GPC6: variants seen among roughly 807,000 people sequenced by gnomAD.
GPC6 encodes glypican 6, also known as glypican-6.
A neutral mutation model predicts 55.2 loss-of-function variants in GPC6; 14 were observed. That is an observed-to-expected ratio of 0.25 (90% CI 0.17 to 0.40). The LOEUF (loss-of-function observed/expected upper bound fraction) is 0.40. Among genes scored for constraint, GPC6 ranks in the 10% least tolerant of loss-of-function variants. GPC6 has a pLI of 1.00. For synonymous variants in GPC6, 278 were observed against 259.6 expected (o/e 1.07, Z -0.68); for missense variants, 641 against 708.5 (o/e 0.90, Z 1.08).
At chr13:93,923,808 G>A (rs937417530) in intron 3 of GPC6, among the ~76,000 whole-genome samples, 2 of 152,194 alleles carry the variant, frequency 1.3e-5, no homozygotes, top group African/African-American at 4.8e-5. Context: ...TATTGGATAT[G>A]TGTCAAAGTT....
intron 3 of GPC6, among the ~76,000 whole-genome samples, chr13:93,846,358 A>G (rs1191233296): frequency 6.6e-6 from 1 of 152,228 alleles, no homozygotes; most frequent in African/African-American, 2.4e-5. Context: ...TTATTATATA[A>G]GAAACCTAAA....
At chr13:93,655,024 G>GTT (rs1880596923) in intron 2 of GPC6, among the ~76,000 whole-genome samples, 2 of 34,140 alleles carry the variant, frequency 5.9e-5, no homozygotes, top group African/African-American at 1.0e-4. Flanking sequence ...TTTTTTTTTT[G>GTT]TATTTTTAGT....
chr13:93,920,871 C>T (rs751549850), intron 3 of GPC6, among the ~76,000 whole-genome samples: 28 of 152,138 alleles, frequency 1.8e-4, no homozygotes, highest in Non-Finnish European at 3.1e-4. Flanking sequence ...TTCTTCTCAC[C>T]TAACAAAGCA....
At chr13:93,928,856 T>TACACACACACACACAC (rs10642875) in intron 3 of GPC6, among the ~76,000 whole-genome samples, 7 of 143,002 alleles carry the variant, frequency 4.9e-5, no homozygotes, top group African/African-American at 1.6e-4. Context: ...CCCTGTGTGT[T>TACACACACACACACAC]ACACACACAC....
At chr13:93,791,697 A>G (rs1886040036) in intron 2 of GPC6, among the ~76,000 whole-genome samples, 1 of 152,178 alleles carries the variant, frequency 6.6e-6, no homozygotes, top group South Asian at 2.1e-4. Context: ...AAAATAATAT[A>G]AAAGCCACTG....
chr13:93,651,869 C>T (rs747170438), intron 2 of GPC6, among the ~76,000 whole-genome samples: 1 of 152,308 alleles, frequency 6.6e-6, no homozygotes, highest in Non-Finnish European at 1.5e-5. Flanking sequence ...CCATATTCCA[C>T]TCCAGACCAA....
chr13:93,937,529 G>GTAGTA (rs1878496671), intron 3 of GPC6, among the ~76,000 whole-genome samples: 2 of 152,160 alleles, frequency 1.3e-5, no homozygotes, highest in South Asian at 2.1e-4. Context: ...ACACCTACAT[G>GTAGTA]TAGTACTTTC....
chr13:94,225,678 T>C (rs965060391), intron 4 of GPC6, among the ~76,000 whole-genome samples: 4 of 151,082 alleles, frequency 2.6e-5, no homozygotes. Context: ...CACATATATA[T>C]ATATATATAT....
chr13:93,598,781 T>G (rs148794873), intron 2 of GPC6, among the ~76,000 whole-genome samples: 2 of 152,344 alleles, frequency 1.3e-5, no homozygotes, highest in African/African-American at 4.8e-5. Context: ...CCATTTGTAT[T>G]TTCCTTAATA....
At chr13:93,596,841 T>C (rs1268723412) in intron 2 of GPC6, among the ~76,000 whole-genome samples, 4 of 148,782 alleles carry the variant, frequency 2.7e-5, no homozygotes, top group Admixed American at 1.3e-4. Flanking sequence ...CCTGTATATA[T>C]ATAAAATTTA....
At chr13:93,523,597 G>A (rs867299000) in intron 1 of GPC6, among the ~76,000 whole-genome samples, 13 of 151,824 alleles carry the variant, frequency 8.6e-5, no homozygotes, top group South Asian at 4.1e-4. Context: ...CTTCCTCACA[G>A]TGCTGTGATT....
intron 4 of GPC6, among the ~76,000 whole-genome samples, chr13:94,054,091 T>G (rs1884047813): frequency 2.6e-5 from 4 of 152,198 alleles, no homozygotes; most frequent in African/African-American, 9.6e-5. Context: ...TAATGCTTTG[T>G]TCACCAGATG....
chr13:93,259,087 T>C (rs1594056977), intron 1 of GPC6, among the ~76,000 whole-genome samples: 1 of 152,042 alleles, frequency 6.6e-6, no homozygotes, highest in South Asian at 2.1e-4. Context: ...TAGGGTAGGG[T>C]TATTGATTAC....
chr13:93,625,493 T>C (rs914536565), intron 2 of GPC6, among the ~76,000 whole-genome samples: 3 of 152,156 alleles, frequency 2.0e-5, no homozygotes, highest in Non-Finnish European at 2.9e-5. Flanking sequence ...GATCAATTCA[T>C]TGTGTTGTGG....
intron 1 of GPC6, among the ~76,000 whole-genome samples, chr13:93,454,064 TAC>T (rs1255197619): frequency 1.3e-5 from 2 of 152,118 alleles, no homozygotes; most frequent in Non-Finnish European, 2.9e-5. Flanking sequence ...ATTAGTTAGA[TAC>T]AGAGTATCCA....
intron 4 of GPC6, among the ~76,000 whole-genome samples, chr13:94,165,470 C>G (rs1448264022): frequency 1.3e-5 from 2 of 151,752 alleles, no homozygotes; most frequent in African/African-American, 4.8e-5. Flanking sequence ...AAGAATGACA[C>G]GATGGACTTT....
At chr13:93,536,065 A>C (rs1162673235) in intron 1 of GPC6, among the ~76,000 whole-genome samples, 1 of 152,126 alleles carries the variant, frequency 6.6e-6, no homozygotes, top group Non-Finnish European at 1.5e-5. Context: ...CTGTGAGCAG[A>C]GTTTCCCCTG....
chr13:93,921,787 A>C (rs896631742), intron 3 of GPC6, among the ~76,000 whole-genome samples: 1 of 151,568 alleles, frequency 6.6e-6, no homozygotes. Flanking sequence ...AGCCATTTAC[A>C]TTACCAGGTT....
rs1880940987 is a variant in GPC6 at position 93,510,975 on chromosome 13, A to ATATATATATG, written c.161-34286_161-34277dup. Among the ~76,000 whole-genome samples the ATATATATATG allele has an allele frequency of 4.6e-3, 32 of 6,970 alleles. 1 individual carries two copies. The highest frequency in any genetic ancestry group is 6.6e-3 in the African/African-American group (31 of 4,718). 4.6% of individuals were successfully genotyped at this position (6,970 alleles called of 152,430 possible). ...AATATATATATATATATATATGTGT[A>ATATATATATG]TATATATATGTGTATATATATATAT... On this transcript the variant is annotated intron_variant, in intron 1 of 8. Coordinates refer to ENST00000377047, the MANE Select transcript of GPC6 (RefSeq NM_005708.5).
Sources: allele counts gnomAD v4.1 joint callset (sites outside exome capture counted in the v4.1 genomes callset), GRCh38; gene constraint gnomAD v4.1.1; transcripts MANE v1.5; gene names NCBI Gene and HGNC (gene_info 2026-07-23, HGNC 2026-07-21).